The following SLC7A11 variants were observed in gnomAD, a reference collection of about 807,000 sequenced individuals.
The protein encoded by SLC7A11 is cystine/glutamate transporter.
A neutral mutation model predicts 54.5 loss-of-function variants in SLC7A11; 35 were observed. The observed-to-expected ratio is 0.64, with a 90% CI of 0.49 to 0.85. The LOEUF is 0.85. Ranked by LOEUF, SLC7A11 falls within the 40% of genes least tolerant of loss-of-function variation. The pLI is 0.00. For missense variants in SLC7A11, 583 were observed against 618.1 expected (o/e 0.94, Z 0.60); for synonymous variants, 230 against 225.2 (o/e 1.02, Z -0.19).
At chr4:138,191,288 C>T (rs543500268) in intron 6 of SLC7A11, among the ~76,000 whole-genome samples, 21 of 152,236 alleles carry the variant, frequency 1.4e-4, no homozygotes, top group Admixed American at 1.2e-3. Flanking sequence ...TACTGAACCA[C>T]GGCAAGGCTA....
At chr4:138,188,417 C>A (rs779325233) in intron 6 of SLC7A11, among the ~76,000 whole-genome samples, 2 of 152,136 alleles carry the variant, frequency 1.3e-5, no homozygotes, top group African/African-American at 2.4e-5. Flanking sequence ...GCAAAATAGC[C>A]ACTAGCTTCC....
chr4:138,175,539 A>G (rs1308823990), intron 11 of SLC7A11: 2 of 152,164 alleles, frequency 1.3e-5, no homozygotes, highest in East Asian at 1.9e-4. Flanking sequence ...TTGTGTTTCT[A>G]TAAGTAAATA....
chr4:138,201,414 A>G (rs1422694751), intron 6 of SLC7A11, among the ~76,000 whole-genome samples: 1 of 152,128 alleles, frequency 6.6e-6, no homozygotes, highest in Non-Finnish European at 1.5e-5. Context: ...GAAAGATAAT[A>G]TGGTACAGCA....
At chr4:138,237,726 TA>T (rs1560742583) in intron 1 of SLC7A11, among the ~76,000 whole-genome samples, 34 of 10,780 alleles carry the variant, frequency 3.2e-3, no homozygotes, top group Non-Finnish European at 5.1e-3. Flanking sequence ...TATATATATA[TA>T]TATATATATA....
intron 11 of SLC7A11, chr4:138,174,721 T>G (rs1179515098): frequency 1.3e-5 from 2 of 152,192 alleles, no homozygotes; most frequent in Non-Finnish European, 2.9e-5. Flanking sequence ...TTAAGGATAA[T>G]CAACCCGCGG....
chr4:138,223,648 C>CACA (rs1737872156), intron 3 of SLC7A11, among the ~76,000 whole-genome samples: 1 of 152,142 alleles, frequency 6.6e-6, no homozygotes, highest in Non-Finnish European at 1.5e-5. Flanking sequence ...AAAATGTCTT[C>CACA]TAACCAAACC....
intron 8 of SLC7A11, 123 bp downstream of exon 8, chr4:138,183,079 C>T (rs886775679): frequency 1.0e-5 from 7 of 669,940 alleles, no homozygotes; most frequent in African/African-American, 3.6e-5. Context: ...ATATTTCAAT[C>T]TTGCATGTCC....
intron 6 of SLC7A11, among the ~76,000 whole-genome samples, chr4:138,208,589 A>G (rs1487677454): frequency 6.6e-6 from 1 of 152,068 alleles, no homozygotes; most frequent in Non-Finnish European, 1.5e-5. Flanking sequence ...AGGATTTTTT[A>G]AAACAAATGT....
intron 6 of SLC7A11, among the ~76,000 whole-genome samples, chr4:138,205,864 A>G (rs1364612364): frequency 6.6e-6 from 1 of 152,046 alleles, no homozygotes; most frequent in Non-Finnish European, 1.5e-5. Flanking sequence ...ACAGGGTTCC[A>G]ACTCTGGAAT....
chr4:138,241,805 G>C lies in SLC7A11; in HGVS notation c.265C>G (p.Leu89Val). 1 of 1,613,444 alleles carries C rather than the reference G, an allele frequency of 6.2e-7. No individual in the cohort carries two copies. Among genetic ancestry groups the C allele is most frequent in the South Asian group, 1.1e-5 (1 of 91,044 alleles). The change falls in exon 1 of 12, where the codon CTG (leucine) becomes GTG (valine). Residue 89 changes from leucine to valine, a missense_variant. Physicochemically the swap from Leu to Val is conservative, Grantham distance 32 (BLOSUM62 1). Coordinates refer to ENST00000280612, the MANE Select transcript of SLC7A11 (RefSeq NM_014331.4). ...AAGTCGCACTCACCAAATAGTGACA[G>C]GACCCCACACACCGTCCAGATGGTC... ...SLTIWTVCGV[L>V]SLFGALSYAE...
At position 138,242,223 on chromosome 4, in the gene SLC7A11, C is replaced by G. The variant is rs41280525; in HGVS notation, c.-154G>C. 0.05 allele frequency: 40,586 copies of G among 817,010 alleles called. 3,803 individuals carry two copies. The highest frequency in any genetic ancestry group is 0.35 in the East Asian group (13,090 of 37,246). 50.6% of individuals were successfully genotyped at this position (817,010 alleles called of 1,614,324 possible). On this transcript the variant is annotated 5_prime_UTR_variant, in exon 1 of 12. Transcript: ENST00000280612. ...TCACAGGTGAAAACTCAAAGGTGTG[C>G]TTTTTCCTTCACAGCGATCTAATTA...
intron 5 of SLC7A11, among the ~76,000 whole-genome samples, chr4:138,216,099 A>T (rs1274007616): frequency 6.6e-6 from 1 of 152,154 alleles, no homozygotes; most frequent in Non-Finnish European, 1.5e-5. Context: ...AATGACCATG[A>T]TATTCTCTTT....
At chr4:138,186,466 G>T (rs1736883324) in intron 6 of SLC7A11, among the ~76,000 whole-genome samples, 1 of 152,102 alleles carries the variant, frequency 6.6e-6, no homozygotes, top group African/African-American at 2.4e-5. Flanking sequence ...AGCCTAGCCA[G>T]TCAGCAACTG....
chr4:138,187,910 G>A (rs1736916097), intron 6 of SLC7A11, among the ~76,000 whole-genome samples: 1 of 151,936 alleles, frequency 6.6e-6, no homozygotes, highest in South Asian at 2.1e-4. Flanking sequence ...CAGATAAACA[G>A]AAACAGACTA....
chr4:138,169,871 T>C lies in SLC7A11; in HGVS notation c.*2085A>G, dbSNP rs1008501335. ...CTATGCTAAGGAAGGAAGGAGTTATTATAAATTCACTCAGAGACCCAAACG... is the reference window on the plus strand; with the variant it reads ...CTATGCTAAGGAAGGAAGGAGTTATCATAAATTCACTCAGAGACCCAAACG... On this transcript the variant is annotated 3_prime_UTR_variant, in exon 12 of 12. Coordinates refer to ENST00000280612, the MANE Select transcript of SLC7A11 (RefSeq NM_014331.4). 6.6e-6 allele frequency: 1 copy of C among 152,038 alleles called. No homozygotes were observed. The highest frequency in any genetic ancestry group is 1.5e-5 in the Non-Finnish European group (1 of 68,004). The allele number at this position is 152,038 out of a possible 1,614,324, so 9.4% of individuals were successfully genotyped here.
At chr4:138,199,720 C>A (rs1737231222) in intron 6 of SLC7A11, among the ~76,000 whole-genome samples, 1 of 152,142 alleles carries the variant, frequency 6.6e-6, no homozygotes, top group South Asian at 2.1e-4. Flanking sequence ...TGCCTAGTCA[C>A]AGACTTGCAT....
chr4:138,224,818 G>GAA (rs1560736873), intron 3 of SLC7A11, among the ~76,000 whole-genome samples: 4 of 10,072 alleles, frequency 4.0e-4, no homozygotes, highest in African/African-American at 7.3e-4. Context: ...AAGGATGAAA[G>GAA]GAAGGAAGGA....
chr4:138,214,135 T>C (rs1737623375), intron 6 of SLC7A11, among the ~76,000 whole-genome samples: 1 of 152,024 alleles, frequency 6.6e-6, no homozygotes, highest in Non-Finnish European at 1.5e-5. Flanking sequence ...ATTTCTAGGC[T>C]TTTGTAACTA....
At chr4:138,210,600 T>C (rs1330208437) in intron 6 of SLC7A11, among the ~76,000 whole-genome samples, 1 of 152,102 alleles carries the variant, frequency 6.6e-6, no homozygotes, top group Non-Finnish European at 1.5e-5. Flanking sequence ...GAAGAGACAC[T>C]TCTCAAAAGA....
Sources: allele counts gnomAD v4.1 joint callset (sites outside exome capture counted in the v4.1 genomes callset), GRCh38; gene constraint gnomAD v4.1.1; transcripts MANE v1.5; gene names NCBI Gene and HGNC (gene_info 2026-07-23, HGNC 2026-07-21).